Variants in SERPINE3 observed in about 807,000 individuals in gnomAD.
SERPINE3 encodes the protein serpin family E member 3, also known as serpin E3.
SERPINE3 carries 43 observed loss-of-function variants against 41.7 expected under a neutral mutation model. The observed-to-expected ratio is 1.03, with a 90% CI of 0.81 to 1.33. The LOEUF is 1.33. Ranked by LOEUF, SERPINE3 falls within the 40% of genes most tolerant of loss-of-function variation. The pLI, the probability that SERPINE3 is intolerant of heterozygous loss-of-function variation, is 0.00. For missense variants in SERPINE3, 440 were observed against 491.7 expected (o/e 0.89, Z 0.99); for synonymous variants, 200 against 192.2 (o/e 1.04, Z -0.34).
chr13:51,356,354 T>C (rs946801608), intron 7 of SERPINE3, among the ~76,000 whole-genome samples: 4 of 151,924 alleles, frequency 2.6e-5, no homozygotes, highest in Non-Finnish European at 5.9e-5. Flanking sequence ...AGTGAAAAGA[T>C]TGGAGGGCAA....
rs1593636608 is a variant in SERPINE3 at position 51,344,292 on chromosome 13, A to G, written c.297A>G (p.Thr99=). 2 of 1,613,904 alleles carry G rather than the reference A, an allele frequency of 1.2e-6. No homozygotes were observed. Among genetic ancestry groups the G allele is most frequent in the Non-Finnish European group, 1.7e-6 (2 of 1,179,862 alleles). ...ATTTCTTGCATGCTGTTTATGCCAC[A>G]CTACCCACCTCCAGCCAAGGCACCG... ...VKDFLHAVYA[T]LPTSSQGTEM... The change falls in exon 4 of 10, where the codon ACA becomes ACG. Residue 99 remains threonine (T), a synonymous_variant. Transcript: ENST00000681248.
rs1215309824 is a variant in SERPINE3, at chr13:51,344,481, T to C, written c.486T>C (p.Thr162=). The part of the protein sequence containing the change: ...IQTSEGASRE[T]AGGGPSEGPG... ...CTAGCGAAGGGGCCTCCAGAGAGAC[T>C]GCAGGTAAAAGAAAACTGTACATTT... The change falls in exon 4 of 10, where the codon ACT becomes ACC. Residue 162 remains threonine, a synonymous_variant. Coordinates refer to ENST00000681248, the MANE Select transcript of SERPINE3 (RefSeq NM_001386375.1). 6.4e-7 allele frequency: 1 copy of C among 1,571,876 alleles called. No individual in the cohort carries two copies. The highest frequency in any genetic ancestry group is 1.4e-5 in the African/African-American group (1 of 73,836).
At chr13:51,344,559 C>A in intron 4 of SERPINE3, 74 bp downstream of exon 4, 2 of 1,249,378 alleles carry the variant, frequency 1.6e-6, no homozygotes, top group South Asian at 1.3e-5. Context: ...CATCACTTGT[C>A]AGAGGCCATG....
At chr13:51,344,116 C>G in intron 3 of SERPINE3, 136 bp from the exon 4 acceptor site, 1 of 674,294 alleles carries the variant, frequency 1.5e-6, no homozygotes, top group South Asian at 1.8e-5. Context: ...TTCAAACTGG[C>G]TTTGTATGGT....
Position 51,341,091 on chromosome 13 carries a change from C to G in SERPINE3, c.-1C>G. On this transcript the variant is annotated 5_prime_UTR_variant, in exon 3 of 10. Coordinates refer to ENST00000681248, the MANE Select transcript of SERPINE3 (RefSeq NM_001386375.1). ...GAATTGCAGGAACCCTCCCAGCCTCCATGCCGCCTTTCCTGATCACCCTCT... is the reference window on the plus strand; with the variant it reads ...GAATTGCAGGAACCCTCCCAGCCTCGATGCCGCCTTTCCTGATCACCCTCT... The G allele has an allele frequency of 1.2e-6, 2 of 1,613,564 alleles. No individual in the cohort carries two copies. Among genetic ancestry groups the G allele is most frequent in the Non-Finnish European group, 1.7e-6 (2 of 1,179,590 alleles).
In SERPINE3 at chr13:51,356,896, G is replaced by A. The variant is rs147145675; in HGVS notation, c.1000+1753G>A. 1.1e-4 allele frequency among the ~76,000 whole-genome samples: 17 copies of A among 151,934 alleles called. No homozygotes were observed. The East Asian group carries it at 3.3e-3, about 29-fold the overall frequency. ...TTATGAAGCAATTATCATGTGCCAA[G>A]TATGAAGCTTGCATTCACATTTCCT... On this transcript the variant is annotated intron_variant, in intron 7 of 9. Transcript: ENST00000681248.
intron 4 of SERPINE3, among the ~76,000 whole-genome samples, chr13:51,344,710 A>G (rs976626495): frequency 2.0e-5 from 3 of 152,024 alleles, no homozygotes; most frequent in African/African-American, 7.2e-5. Flanking sequence ...ATGGGCACAC[A>G]CACACACACA....
chr13:51,347,410 A>G (rs898219903), intron 5 of SERPINE3, among the ~76,000 whole-genome samples, 176 bp downstream of exon 5: 41 of 152,140 alleles, frequency 2.7e-4, no homozygotes, highest in African/African-American at 9.9e-4. Context: ...GACTTTAGAG[A>G]GGAGTGTGGG....
rs781671339 is a variant in SERPINE3 at position 51,344,465 on chromosome 13, G to T, written c.470G>T (p.Gly157Val). The T allele has an allele frequency of 2.6e-5, 41 of 1,592,794 alleles. No homozygotes were observed. The South Asian group carries it at 4.4e-4, about 17-fold the overall frequency. The change falls in exon 4 of 10, where the codon GGG becomes GTG. Residue 157 changes from glycine to valine, a missense_variant. Transcript: ENST00000681248. ...PNSTAIQTSE[G>V]ASRETAGGGP... The stretch of plus-strand genomic sequence containing the variant: ...AGCACCGCCATCCAGACTAGCGAAG[G>T]GGCCTCCAGAGAGACTGCAGGTAAA...
chr13:51,351,146 A>G (rs371558081), intron 6 of SERPINE3, among the ~76,000 whole-genome samples: 15 of 152,160 alleles, frequency 9.9e-5, no homozygotes, highest in African/African-American at 2.4e-4. Flanking sequence ...TATATTTTCA[A>G]TTATCTTGGA....
intron 9 of SERPINE3, chr13:51,362,097 T>A: frequency 6.6e-7 from 1 of 1,505,174 alleles, no homozygotes; most frequent in Non-Finnish European, 8.8e-7. Flanking sequence ...TCCATGTTTT[T>A]TACCTTCTCA....
Position 51,364,394 on chromosome 13 carries a change from T to C in SERPINE3, c.*112T>C, listed in dbSNP as rs1566200829. ...GATAAAGTGTAAAAAGCTAAGGGTA[T>C]GTGATTTTCAATATTATAAACCTAA... On this transcript the variant is annotated 3_prime_UTR_variant, in exon 10 of 10. Transcript: ENST00000681248. The C allele has an allele frequency of 5.3e-6, 3 of 562,830 alleles. No homozygotes were observed. The highest frequency in any genetic ancestry group is 8.9e-6 in the Non-Finnish European group (3 of 335,974). 34.9% of individuals were successfully genotyped at this position (562,830 alleles called of 1,614,324 possible).
intron 1 of SERPINE3, among the ~76,000 whole-genome samples, 185 bp downstream of exon 1, chr13:51,339,928 G>C (rs1955274010): frequency 6.6e-6 from 1 of 151,968 alleles, no homozygotes; most frequent in Admixed American, 6.6e-5. Context: ...CACACACATA[G>C]AAAGAAAGAG....
chr13:51,344,247 C>T lies in SERPINE3; in HGVS notation c.257-5C>T. 1 of 1,612,032 alleles carries T rather than the reference C, an allele frequency of 6.2e-7. No individual in the cohort carries two copies. Among genetic ancestry groups the T allele is most frequent in the East Asian group, 2.2e-5 (1 of 44,860 alleles). ...TGTCAACTTATCCCAACTTGTTTTT[C>T]ACAGACAAAAGGGTGAAAGATTTCT... On this transcript the variant is annotated splice_region_variant and splice_polypyrimidine_tract_variant and intron_variant, in intron 3 of 9. Coordinates refer to ENST00000681248, the MANE Select transcript of SERPINE3 (RefSeq NM_001386375.1).
rs897167845 is a variant in SERPINE3 at position 51,364,380 on chromosome 13, A to C, written c.*98A>C. 6.0e-5 allele frequency: 39 copies of C among 654,894 alleles called. No individual in the cohort carries two copies. The highest frequency in any genetic ancestry group is 8.5e-5 in the Non-Finnish European group (34 of 397,864). 40.6% of individuals were successfully genotyped at this position (654,894 alleles called of 1,614,324 possible). ...TTAAAAAAATGTCTGATAAAGTGTAAAAAGCTAAGGGTATGTGATTTTCAA... is the reference window on the plus strand; with the variant it reads ...TTAAAAAAATGTCTGATAAAGTGTACAAAGCTAAGGGTATGTGATTTTCAA... On this transcript the variant is annotated 3_prime_UTR_variant, in exon 10 of 10. Transcript: ENST00000681248.
chr13:51,358,654 TG>T (rs768683816), intron 7 of SERPINE3, among the ~76,000 whole-genome samples: 1 of 152,140 alleles, frequency 6.6e-6, no homozygotes, highest in Non-Finnish European at 1.5e-5. Context: ...GTATTTTTAA[TG>T]TAAGTTGGGC....
intron 6 of SERPINE3, among the ~76,000 whole-genome samples, chr13:51,350,530 C>G (rs1278323330): frequency 6.6e-6 from 1 of 152,026 alleles, no homozygotes; most frequent in African/African-American, 2.4e-5. Flanking sequence ...TCTTAAAATC[C>G]ACCAGATCCC....
At chr13:51,353,013 A>G (rs1955422822) in intron 6 of SERPINE3, among the ~76,000 whole-genome samples, 1 of 152,076 alleles carries the variant, frequency 6.6e-6, no homozygotes. Flanking sequence ...TTTGTTGAAG[A>G]TTTTGCATCT....
At chr13:51,349,294 CAA>C (rs1955383105) in intron 6 of SERPINE3, among the ~76,000 whole-genome samples, 1 of 152,116 alleles carries the variant, frequency 6.6e-6, no homozygotes, top group Non-Finnish European at 1.5e-5. Context: ...GGAAAAAATA[CAA>C]AGAGAGACCC....
Sources: gnomAD v4.1 joint callset for allele counts (sites outside exome capture counted in the v4.1 genomes callset) on GRCh38, gnomAD v4.1.1 for gene constraint, MANE v1.5 for transcripts, NCBI Gene and HGNC (gene_info 2026-07-23, HGNC 2026-07-21) for gene names.